RPL5: variants seen among roughly 807,000 people sequenced by gnomAD.
RPL5 encodes large ribosomal subunit protein uL18.
In RPL5, 1 loss-of-function variant was observed where a neutral mutation model predicts 38.4. The observed-to-expected ratio is 0.03, with a 90% confidence interval of 0.01 to 0.12. RPL5 has a LOEUF of 0.12. RPL5 is among the 10% of genes least tolerant of loss of function. The pLI, the probability that RPL5 is intolerant of heterozygous loss-of-function variation, is 1.00. For synonymous variants in RPL5, 109 were observed against 121.2 expected (o/e 0.90, Z 0.66); for missense variants, 243 against 374.1 (o/e 0.65, Z 2.89).
chr1:92,835,737 A>C (rs552956413), intron 4 of RPL5, among the ~76,000 whole-genome samples: 23 of 151,860 alleles, frequency 1.5e-4, no homozygotes, highest in Admixed American at 1.3e-3. Context: ...TTTTGTTTTA[A>C]ACATTTTTCC....
intron 6 of RPL5, among the ~76,000 whole-genome samples, chr1:92,839,406 A>G (rs1466102141): frequency 6.6e-6 from 1 of 152,194 alleles, no homozygotes; most frequent in Non-Finnish European, 1.5e-5. Flanking sequence ...TTGGCTTTTC[A>G]GGAAAACTTC....
chr1:92,836,153 T>C (rs771666288), intron 4 of RPL5, 37 bp from the exon 5 acceptor site: 1 of 1,570,536 alleles, frequency 6.4e-7, no homozygotes, highest in Non-Finnish European at 8.8e-7. Context: ...GCAGTTTGAA[T>C]AATTGAAACC....
At position 92,837,711 on chromosome 1, in the gene RPL5, C is replaced by CA. The variant is rs1221920253; in HGVS notation, c.705+79dup. The CA allele has an allele frequency of 2.6e-6, 3 of 1,174,012 alleles. No homozygotes were observed. The African/African-American group carries it at 4.6e-5, about 18-fold the overall frequency. The allele number at this position is 1,174,012 out of a possible 1,614,324, so 72.7% of individuals were successfully genotyped here. A position where few individuals can be genotyped will look rare whatever the true frequency, so the allele number is the denominator to read the frequency against. ...TATTACTTGTTTTGGGGGCAGGTAACATTCTTATATAGGTGTGTTTCTTGA... is the reference window on the plus strand; with the variant it reads ...TATTACTTGTTTTGGGGGCAGGTAACAATTCTTATATAGGTGTGTTTCTTGA... On this transcript the variant is annotated intron_variant, in intron 6 of 7. Coordinates refer to ENST00000370321, the MANE Select transcript of RPL5 (RefSeq NM_000969.5).
chr1:92,833,249 T>C, intron 1 of RPL5, 140 bp from the exon 2 acceptor site: 1 of 720,432 alleles, frequency 1.4e-6, no homozygotes, highest in Non-Finnish European at 2.4e-6. Context: ...CCTAGTTGCT[T>C]GTGAAACCTG....
chr1:92,839,731 T>C (rs981314502), intron 6 of RPL5, among the ~76,000 whole-genome samples: 3 of 152,224 alleles, frequency 2.0e-5, no homozygotes, highest in African/African-American at 7.2e-5. Flanking sequence ...TCAGACAGTA[T>C]TTAAAATGAG....
At chr1:92,833,779 A>G (rs538004024) in intron 3 of RPL5, 119 bp downstream of exon 3, 8 of 796,286 alleles carry the variant, frequency 1.0e-5, no homozygotes, top group Non-Finnish European at 1.7e-5. Context: ...CATCCAGTGA[A>G]TAATTTTTCC....
At chr1:92,833,072 A>C in intron 1 of RPL5, 2 of 720,306 alleles carry the variant, frequency 2.8e-6, no homozygotes, top group Non-Finnish European at 5.1e-6. Flanking sequence ...AGCGTTTAAA[A>C]CCTTTTGAAA....
rs771788660 is a variant in RPL5, at chr1:92,841,897, T to C, written c.*32T>C. ...CAATTTTCTATGATTTTTTCAGATATAGATAATAAACTTATGAACAGCAAC... is the reference window on the plus strand; with the variant it reads ...CAATTTTCTATGATTTTTTCAGATACAGATAATAAACTTATGAACAGCAAC... On this transcript the variant is annotated 3_prime_UTR_variant, in exon 8 of 8. Transcript: ENST00000370321. 1.1e-5 allele frequency: 16 copies of C among 1,522,548 alleles called. No homozygotes were observed. The highest frequency in any genetic ancestry group is 4.1e-5 in the African/African-American group (3 of 73,092). The allele number at this position is 1,522,548 out of a possible 1,614,324, so 94.3% of individuals were successfully genotyped here.
At chr1:92,834,753 C>T (rs1252003320) in intron 3 of RPL5, 26 bp from the exon 4 acceptor site, 14 of 1,611,942 alleles carry the variant, frequency 8.7e-6, no homozygotes, top group Non-Finnish European at 1.2e-5. Flanking sequence ...CAACAGATTA[C>T]TAACCTAGTT....
At chr1:92,835,956 C>T (rs1029557904) in intron 4 of RPL5, among the ~76,000 whole-genome samples, 3 of 151,358 alleles carry the variant, frequency 2.0e-5, no homozygotes, top group Admixed American at 6.6e-5. Context: ...GGACATGTAG[C>T]AAAGATGCAA....
Position 92,837,594 on chromosome 1 carries a change from G to C in RPL5, c.666G>C (p.Gln222His), listed in dbSNP as rs767163981. ...AAGATGAAGATGCTTACAAGAAACA[G>C]TTCTCTCAATACATAAAGAACAGCG... is the stretch of plus-strand genomic sequence containing the variant. The part of the protein sequence containing the change: ...MEEDEDAYKK[Q>H]FSQYIKNSVT... Residue 222 changes from glutamine (Q) to histidine (H), a missense_variant, in exon 6 of 8, where the codon CAG (glutamine) becomes CAC (histidine). Coordinates refer to ENST00000370321, the MANE Select transcript of RPL5 (RefSeq NM_000969.5). 2.5e-6 allele frequency: 4 copies of C among 1,612,104 alleles called. No homozygotes were observed. In the Admixed American group the frequency reaches 5.0e-5, roughly 20 times the overall value.
intron 3 of RPL5, 29 bp downstream of exon 3, chr1:92,833,689 T>C (rs1256259962): frequency 2.6e-6 from 4 of 1,557,610 alleles, no homozygotes; most frequent in Non-Finnish European, 3.5e-6. Flanking sequence ...AGTCCCCTTT[T>C]TTTATTGCTA....
Position 92,833,651 on chromosome 1 carries a change from C to T in RPL5, c.180C>T (p.Ile60=). 6.2e-7 allele frequency: 1 copy of T among 1,610,010 alleles called. No homozygotes were observed. Among genetic ancestry groups the T allele is most frequent in the Middle Eastern group, 2.2e-4 (1 of 4,454 alleles). ...RMIVRVTNRD[I]ICQIAYARIE... The stretch of plus-strand genomic sequence containing the variant: ...TAGTTCGTGTGACAAACAGAGATAT[C>T]ATTTGTCAGGTAAGTTGTATTCTAG... Residue 60 remains isoleucine, a synonymous_variant, in exon 3 of 8, where the codon ATC becomes ATT. Coordinates refer to ENST00000370321, the MANE Select transcript of RPL5 (RefSeq NM_000969.5).
rs755133627 is a variant in RPL5, at chr1:92,832,100, T to A, written c.-15T>A. The A allele has an allele frequency of 2.5e-6, 4 of 1,614,092 alleles. No individual in the cohort carries two copies. The highest frequency in any genetic ancestry group is 1.7e-4 in the Middle Eastern group (1 of 6,060). The stretch of plus-strand genomic sequence containing the variant: ...GTCTCTGTCGAGCAGCGGACGCCGG[T>A]CTCTGTTCCGCAGGATGGTGAGTGG... On this transcript the variant is annotated 5_prime_UTR_variant, in exon 1 of 8. Coordinates refer to ENST00000370321, the MANE Select transcript of RPL5 (RefSeq NM_000969.5).
chr1:92,833,889 T>A lies in RPL5; in HGVS notation c.189+229T>A. On this transcript the variant is annotated intron_variant, in intron 3 of 7. Transcript: ENST00000370321. ...ATCCCAGCACTTCGGGAAGATTGCT[T>A]GAGCCCAGGAGTTTGAGACCAGCCT... 7 of 534,232 alleles carry A rather than the reference T, an allele frequency of 1.3e-5. No homozygotes were observed. The South Asian group carries it at 1.4e-4, about 11-fold the overall frequency. 33.1% of individuals were successfully genotyped at this position (534,232 alleles called of 1,614,324 possible). A position where few individuals can be genotyped will look rare whatever the true frequency, so the allele number is the denominator to read the frequency against.
chr1:92,840,448 C>G (rs1687310560), intron 6 of RPL5, 103 bp from the exon 7 acceptor site: 1 of 856,682 alleles, frequency 1.2e-6, no homozygotes, highest in Middle Eastern at 3.5e-4. Context: ...AGTTTAGTTC[C>G]TTTTGAGAAT....
In RPL5 at chr1:92,837,681, A is replaced by G. The variant is rs777656398; in HGVS notation, c.705+48A>G. The G allele has an allele frequency of 1.2e-5, 18 of 1,522,220 alleles. 1 individual carries two copies. The South Asian group carries it at 2.0e-4, about 17-fold the overall frequency. 94.3% of individuals were successfully genotyped at this position (1,522,220 alleles called of 1,614,324 possible). ...CCTATATTGGTTAATTTATGGAAAT[A>G]GGTTTATTACTTGTTTTGGGGGCAG... On this transcript the variant is annotated intron_variant, in intron 6 of 7. Transcript: ENST00000370321.
chr1:92,832,470 G>T (rs1272177602), intron 1 of RPL5, among the ~76,000 whole-genome samples: 1 of 152,220 alleles, frequency 6.6e-6, no homozygotes, highest in Non-Finnish European at 1.5e-5. Flanking sequence ...CCTAGCTGGG[G>T]AACGCCAGAA....
intron 5 of RPL5, chr1:92,836,863 G>C (rs1687152572): frequency 4.9e-6 from 1 of 205,768 alleles, no homozygotes; most frequent in Admixed American, 5.3e-5. Flanking sequence ...AGTTAAGTAG[G>C]TTAATTTGTA....
Sources: gnomAD v4.1 joint callset for allele counts (sites outside exome capture counted in the v4.1 genomes callset) on GRCh38, gnomAD v4.1.1 for gene constraint, MANE v1.5 for transcripts, NCBI Gene and HGNC (gene_info 2026-07-23, HGNC 2026-07-21) for gene names.